E2F1: variants seen among roughly 807,000 people sequenced by gnomAD.
E2F1 encodes transcription factor E2F1.
Under a neutral mutation model 36.9 loss-of-function variants are expected in E2F1, and 7 were observed. The observed-to-expected ratio is 0.19, with a 90% confidence interval of 0.11 to 0.36. The LOEUF is 0.36. Among genes scored for constraint, E2F1 ranks in the 10% least tolerant of loss-of-function variants. The pLI is 1.00. For synonymous variants in E2F1, 261 were observed against 263.1 expected (o/e 0.99, Z 0.08); for missense variants, 406 against 573.6 (o/e 0.71, Z 2.99).
chr20:33,682,187 G>A (rs538892824), intron 1 of E2F1, among the ~76,000 whole-genome samples: 3 of 152,240 alleles, frequency 2.0e-5, no homozygotes, highest in Admixed American at 2.0e-4. Flanking sequence ...TATAGTGTCT[G>A]CCATGGAGCC....
chr20:33,675,819 G>A lies in E2F1; in HGVS notation c.*913C>T, dbSNP rs1250068343. ...CAGACACTGCAGGAGGGACCACAGG[G>A]TCTGGGCTGGGGGAGGCCTTCACCA... On this transcript the variant is annotated 3_prime_UTR_variant, in exon 7 of 7. Transcript: ENST00000343380. 5.4e-6 allele frequency: 1 copy of A among 185,216 alleles called. No homozygotes were observed. Among genetic ancestry groups the A allele is most frequent in the Non-Finnish European group, 1.1e-5 (1 of 88,892 alleles). 11.5% of individuals were successfully genotyped at this position (185,216 alleles called of 1,614,324 possible). A position where few individuals can be genotyped will look rare whatever the true frequency, so the allele number is the denominator to read the frequency against.
intron 4 of E2F1, 106 bp downstream of exon 4, chr20:33,678,095 C>A: frequency 7.2e-7 from 1 of 1,392,384 alleles, no homozygotes. Context: ...GGACTTGCAA[C>A]CAAAATCAGA....
chr20:33,686,032 G>C lies in E2F1; in HGVS notation c.233C>G (p.Ala78Gly). The C allele has an allele frequency of 1.8e-6, 2 of 1,134,358 alleles. No homozygotes were observed. The highest frequency in any genetic ancestry group is 2.2e-6 in the Non-Finnish European group (2 of 926,716). The allele number at this position is 1,134,358 out of a possible 1,614,324, so 70.3% of individuals were successfully genotyped here. The change falls in exon 1 of 7, where the codon GCG becomes GGG. Residue 78 changes from alanine (A) to glycine (G), a missense_variant. Coordinates refer to ENST00000343380, the MANE Select transcript of E2F1 (RefSeq NM_005225.3). ...CGGGCGGCCGAGCGCGGGCCGCGGC[G>C]CACTGGGTGTGGGCCGGGGCGCCTG... ...TPQAPRPTPS[A>G]PRPALGRPPV...
chr20:33,679,914 C>T lies in E2F1; in HGVS notation c.413G>A (p.Arg138His), dbSNP rs2018002858. The T allele has an allele frequency of 1.9e-6, 3 of 1,614,116 alleles. No homozygotes were observed. The highest frequency in any genetic ancestry group is 2.5e-6 in the Non-Finnish European group (3 of 1,180,050). ...YETSLNLTTK[R>H]FLELLSHSAD... The stretch of plus-strand genomic sequence containing the variant: ...CGAGTGGCTCAGCAGCTCCAGGAAG[C>T]GCTTGGTGGTCAGATTCAGTGAGGT... The change falls in exon 3 of 7, where the codon CGC becomes CAC. Residue 138 changes from arginine (R) to histidine (H), a missense_variant. Transcript: ENST00000343380. This position sits in a 1 kb window ranked among gnomAD's most constrained non-coding sequence, Gnocchi z 4.6.
rs60838396 is a variant in E2F1 at position 33,683,450 on chromosome 20, CAAAAAAAAA to C, written c.261+2545_261+2553del. Among the ~76,000 whole-genome samples the C allele has an allele frequency of 9.8e-3, 534 of 54,768 alleles. 13 individuals carry two copies. The highest frequency in any genetic ancestry group is 0.029 in the African/African-American group (508 of 17,628). 35.9% of individuals were successfully genotyped at this position (54,768 alleles called of 152,430 possible). A position where few individuals can be genotyped will look rare whatever the true frequency, so the allele number is the denominator to read the frequency against. On this transcript the variant is annotated intron_variant, in intron 1 of 6. Transcript: ENST00000343380. ...TAGGTGACAGAGCGAGACTTCATCT[CAAAAAAAAA>C]AAAAAAAAAAAGAGTTAAGAGTTAA...
At chr20:33,680,494 G>A (rs2018007598) in intron 1 of E2F1, 78 bp from the exon 2 acceptor site, 1 of 1,293,526 alleles carries the variant, frequency 7.7e-7, no homozygotes, top group Non-Finnish European at 1.1e-6. Context: ...GGTGCCTCTG[G>A]GCTACCCTCG....
intron 2 of E2F1, 143 bp downstream of exon 2, chr20:33,680,183 C>A: frequency 1.0e-6 from 1 of 969,174 alleles, no homozygotes. Flanking sequence ...GCCAGGTGGC[C>A]ACTCCAACTG....
At chr20:33,678,390 G>A (rs760780184) in intron 3 of E2F1, 37 bp from the exon 4 acceptor site, 16 of 1,607,104 alleles carry the variant, frequency 1.0e-5, no homozygotes, top group South Asian at 6.6e-5. Context: ...GGTTAACAGC[G>A]ATTGGCCCCT....
chr20:33,678,309 A>C lies in E2F1; in HGVS notation c.617T>G (p.Leu206Trp), dbSNP rs1273903227. The change falls in exon 4 of 7, where the codon TTG becomes TGG. Residue 206 changes from leucine to tryptophan, a missense_variant. By Grantham distance (61) the Leu-to-Trp change is moderately conservative (BLOSUM62 -2). Around this residue, in one of 5 missense-constraint regions of E2F1, gnomAD observed 93 missense variants for 143.3 expected, o/e 0.65. Transcript: ENST00000343380. Reference sequence around the variant, plus strand: ...CTGCAGCTGTCGGAGGTCCTGGGTCAACCCCTCAAGCCGTCCGCCGACGCC... The same window carrying C: ...CTGCAGCTGTCGGAGGTCCTGGGTCCACCCCTCAAGCCGTCCGCCGACGCC... ...TVGVGGRLEG[L>W]TQDLRQLQES... is the part of the protein sequence containing the mutation. 1 of 1,612,792 alleles carries C rather than the reference A, an allele frequency of 6.2e-7. No individual in the cohort carries two copies. Among genetic ancestry groups the C allele is most frequent in the Admixed American group, 1.7e-5 (1 of 60,026 alleles).
intron 1 of E2F1, among the ~76,000 whole-genome samples, chr20:33,683,106 A>AAAAAAAGG: frequency 6.6e-6 from 1 of 152,144 alleles, no homozygotes; most frequent in South Asian, 2.1e-4. Flanking sequence ...GAAAAAAAGG[A>AAAAAAAGG]AAAAAATGAA....
chr20:33,685,248 AG>A (rs1419473924), intron 1 of E2F1, among the ~76,000 whole-genome samples: 4 of 152,112 alleles, frequency 2.6e-5, no homozygotes, highest in Non-Finnish European at 5.9e-5. Flanking sequence ...CATGGCAACC[AG>A]GGCCTGGGAG....
At chr20:33,683,418 TC>T (rs2018034967) in intron 1 of E2F1, among the ~76,000 whole-genome samples, 1 of 125,524 alleles carries the variant, frequency 8.0e-6, no homozygotes, top group East Asian at 2.3e-4. Flanking sequence ...GCCACTGTAC[TC>T]CAACCTAGGT....
In E2F1 at chr20:33,675,801, TGCA is replaced by T. The variant is rs2017942661; in HGVS notation, c.*928_*930del. The T allele has an allele frequency of 5.4e-6, 1 of 185,634 alleles. No homozygotes were observed. The highest frequency in any genetic ancestry group is 6.2e-5 in the Admixed American group (1 of 16,020). The allele number at this position is 185,634 out of a possible 1,614,324, so 11.5% of individuals were successfully genotyped here. A position where few individuals can be genotyped will look rare whatever the true frequency, so the allele number is the denominator to read the frequency against. ...GTGGGGAGGCAGGCGCTTCAGACAC[TGCA>T]GGAGGGACCACAGGGTCTGGGCTGG... On this transcript the variant is annotated 3_prime_UTR_variant, in exon 7 of 7. Transcript: ENST00000343380.
chr20:33,684,847 T>G (rs138289899), intron 1 of E2F1, among the ~76,000 whole-genome samples: 191 of 152,188 alleles, frequency 1.3e-3, no homozygotes, highest in African/African-American at 4.4e-3. Flanking sequence ...CTCCTTGTCC[T>G]GAGTCCTGCC....
chr20:33,685,746 T>G (rs911781633), intron 1 of E2F1, among the ~76,000 whole-genome samples: 9 of 152,144 alleles, frequency 5.9e-5, no homozygotes, highest in Admixed American at 5.9e-4. Flanking sequence ...TTATTATCAC[T>G]GAGTCCGACG....
rs1226250313 is a variant in E2F1, at chr20:33,676,318, A to AC, written c.*413dup. ...CAGGCACTGCCCTGGGCCTTGTGGG[A>AC]CCCCCAGAGCAAAAGGGCCGAAAGT... On this transcript the variant is annotated 3_prime_UTR_variant, in exon 7 of 7. Transcript: ENST00000343380. 1.2e-5 allele frequency: 2 copies of AC among 161,484 alleles called. No individual in the cohort carries two copies. The highest frequency in any genetic ancestry group is 1.8e-4 in the East Asian group (1 of 5,480). The allele number at this position is 161,484 out of a possible 1,614,324, so 10.0% of individuals were successfully genotyped here.
intron 1 of E2F1, among the ~76,000 whole-genome samples, chr20:33,681,564 G>A (rs550300329): frequency 6.6e-6 from 1 of 152,274 alleles, no homozygotes; most frequent in African/African-American, 2.4e-5. Context: ...AAGACGGTCT[G>A]AGGAAGAACC....
Position 33,676,900 on chromosome 20 carries a change from C to G in E2F1, c.1146G>C (p.Ser382=). ...DRLSPLVAAD[S]LLEHVREDFS... Reference sequence around the variant, plus strand: ...AGTCCTCCCGCACATGCTCCAGGAGCGAGTCGGCCGCCACCAGCGGGGACA... The same window carrying G: ...AGTCCTCCCGCACATGCTCCAGGAGGGAGTCGGCCGCCACCAGCGGGGACA... The change falls in exon 7 of 7, where the codon TCG becomes TCC. Residue 382 remains serine (S), a synonymous_variant. Transcript: ENST00000343380. The G allele has an allele frequency of 6.4e-7, 1 of 1,569,314 alleles. No homozygotes were observed. The highest frequency in any genetic ancestry group is 8.6e-7 in the Non-Finnish European group (1 of 1,156,316).
At chr20:33,677,671 T>G in intron 4 of E2F1, 131 bp from the exon 5 acceptor site, 1 of 637,090 alleles carries the variant, frequency 1.6e-6, no homozygotes, top group South Asian at 2.0e-5. Flanking sequence ...AAAACCTACC[T>G]CACGCCTGAG....
Sources: allele counts gnomAD v4.1 joint callset (sites outside exome capture counted in the v4.1 genomes callset), GRCh38; gene constraint gnomAD v4.1.1; regional missense constraint gnomAD v4.1.1; non-coding constraint Gnocchi (gnomAD v3.1); transcripts MANE v1.5; gene names NCBI Gene and HGNC (gene_info 2026-07-23, HGNC 2026-07-21).